Variants in CR1L observed in about 807,000 individuals in gnomAD.
The protein encoded by CR1L is complement component receptor 1-like protein.
Under a neutral mutation model 62.3 loss-of-function variants are expected in CR1L, and 59 were observed. That is an observed-to-expected ratio of 0.95 (90% CI 0.77 to 1.18). CR1L has a LOEUF of 1.18. CR1L is among the 50% of genes most tolerant of loss of function. CR1L has a pLI of 0.00. For synonymous variants in CR1L, 279 were observed against 248.7 expected (o/e 1.12, Z -1.15); for missense variants, 700 against 702.8 (o/e 1.00, Z 0.04).
At chr1:207,674,227 C>G (rs1374560456) in intron 1 of CR1L, among the ~76,000 whole-genome samples, 1 of 152,162 alleles carries the variant, frequency 6.6e-6, no homozygotes, top group Non-Finnish European at 1.5e-5. Flanking sequence ...CATGAGGGAA[C>G]TGTGTGGGGT....
intron 1 of CR1L, among the ~76,000 whole-genome samples, chr1:207,674,236 G>C (rs1178056318): frequency 1.3e-5 from 2 of 152,200 alleles, no homozygotes; most frequent in Non-Finnish European, 1.5e-5. Context: ...ACTGTGTGGG[G>C]TGAAGGGTAT....
At chr1:207,699,697 A>G (rs1478998073) in intron 8 of CR1L, among the ~76,000 whole-genome samples, 11 of 151,862 alleles carry the variant, frequency 7.2e-5, no homozygotes, top group Non-Finnish European at 1.6e-4. Flanking sequence ...CAATTTGTGT[A>G]TATATTTGAT....
chr1:207,662,920 C>G (rs1007936058), intron 1 of CR1L, among the ~76,000 whole-genome samples: 11 of 152,170 alleles, frequency 7.2e-5, no homozygotes, highest in African/African-American at 2.7e-4. Context: ...CACTCTAGAC[C>G]CTGTTTGCCT....
chr1:207,657,119 TA>T (rs1291120926), intron 1 of CR1L: 12 of 716,612 alleles, frequency 1.7e-5, no homozygotes, highest in Admixed American at 4.3e-5. Flanking sequence ...TCTTCAATTT[TA>T]AGAGATTTTG....
chr1:207,647,237 G>T (rs746510621), intron 1 of CR1L, among the ~76,000 whole-genome samples: 1 of 152,170 alleles, frequency 6.6e-6, no homozygotes, highest in South Asian at 2.1e-4. Context: ...ACAAATGACT[G>T]GGGGGAGGGA....
intron 1 of CR1L, chr1:207,653,193 C>G: frequency 6.3e-6 from 1 of 159,100 alleles, no homozygotes; most frequent in South Asian, 1.8e-4. Context: ...TAAGTAAGTT[C>G]CTCCTTAGAG....
At position 207,645,328 on chromosome 1, in the gene CR1L, C is replaced by T; in HGVS notation, c.95C>T (p.Ser32Phe). 1.9e-6 allele frequency: 3 copies of T among 1,613,986 alleles called. No individual in the cohort carries two copies. Among genetic ancestry groups the T allele is most frequent in the Non-Finnish European group, 2.5e-6 (3 of 1,179,888 alleles). Residue 32 changes from serine (S) to phenylalanine (F), a missense_variant and splice_region_variant, in exon 1 of 12, where the codon TCC becomes TTC. Physicochemically the swap from Ser to Phe is radical, Grantham distance 155 (BLOSUM62 -2). Coordinates refer to ENST00000508064, the MANE Select transcript of CR1L (RefSeq NM_175710.2). ...CTGGTGTTGCTGCTGTCCTCCTTCT[C>T]CGGTAGGACCCCGGGGTGGATTCGC... is the stretch of plus-strand genomic sequence containing the variant. Reference protein sequence around the residue: ...AALVLLLSSFSDQCNVPEWLP... With the variant: ...AALVLLLSSFFDQCNVPEWLP...
chr1:207,679,153 A>ATTTTTTTTTTTTT (rs34703217), intron 3 of CR1L, among the ~76,000 whole-genome samples: 305 of 90,274 alleles, frequency 3.4e-3, no homozygotes, highest in Non-Finnish European at 4.4e-3. Context: ...GCCCACCACC[A>ATTTTTTTTTTTTT]TTTTTTTTTT....
intron 1 of CR1L, among the ~76,000 whole-genome samples, chr1:207,654,767 T>C (rs1663279741): frequency 6.6e-6 from 1 of 152,190 alleles, no homozygotes; most frequent in Non-Finnish European, 1.5e-5. Flanking sequence ...AGAGGAACTT[T>C]AAGTGATTTA....
intron 3 of CR1L, among the ~76,000 whole-genome samples, chr1:207,680,158 C>A (rs1663773159): frequency 6.6e-6 from 1 of 152,162 alleles, no homozygotes; most frequent in African/African-American, 2.4e-5. Flanking sequence ...AAAATATTTA[C>A]CACCCTGGTG....
intron 1 of CR1L, among the ~76,000 whole-genome samples, chr1:207,648,580 A>G (rs900681297): frequency 9.5e-5 from 11 of 115,428 alleles, no homozygotes; most frequent in Non-Finnish European, 1.3e-4. Flanking sequence ...CAGATAGCAG[A>G]AGGAAACATG....
intron 10 of CR1L, 93 bp from the exon 11 acceptor site, chr1:207,717,371 A>C (rs1654023695): frequency 7.2e-7 from 1 of 1,394,836 alleles, no homozygotes; most frequent in Non-Finnish European, 9.7e-7. Flanking sequence ...AAAGAAAAAA[A>C]ATTATATTCA....
chr1:207,654,556 G>A (rs1663275874), intron 1 of CR1L, among the ~76,000 whole-genome samples: 1 of 152,144 alleles, frequency 6.6e-6, no homozygotes, highest in Admixed American at 6.5e-5. Flanking sequence ...AGATTTCACT[G>A]AGTATAGGTG....
intron 9 of CR1L, among the ~76,000 whole-genome samples, chr1:207,703,303 C>T (rs1558023398): frequency 6.6e-6 from 1 of 152,184 alleles, no homozygotes; most frequent in African/African-American, 2.4e-5. Flanking sequence ...TTTTTAGGAG[C>T]TAATCTCGTT....
Position 207,645,276 on chromosome 1 carries a change from C to G in CR1L, c.43C>G (p.Arg15Gly). 6.2e-7 allele frequency: 1 copy of G among 1,613,890 alleles called. No individual in the cohort carries two copies. Among genetic ancestry groups the G allele is most frequent in the Non-Finnish European group, 8.5e-7 (1 of 1,180,022 alleles). ...TCTCGAGCGTCCCTTTCCTTCCCGG[C>G]GCTTTCCTGGGTTGCTTCTGGCGGC... ...VRLERPFPSR[R>G]FPGLLLAALV... Residue 15 changes from arginine to glycine, a missense_variant, in exon 1 of 12, where the codon CGC becomes GGC. Physicochemically the swap from Arg to Gly is moderately radical, Grantham distance 125. Coordinates refer to ENST00000508064, the MANE Select transcript of CR1L (RefSeq NM_175710.2).
chr1:207,645,796 G>A (rs1335979365), intron 1 of CR1L, among the ~76,000 whole-genome samples: 1 of 152,126 alleles, frequency 6.6e-6, no homozygotes, highest in Admixed American at 6.5e-5. Flanking sequence ...CCGCGGTAAG[G>A]GTTGCAGTGC....
chr1:207,708,086 T>C (rs929597865), intron 9 of CR1L, 92 bp from the exon 10 acceptor site: 13 of 1,459,360 alleles, frequency 8.9e-6, no homozygotes, highest in East Asian at 2.3e-5. Context: ...ACTTCTCCTA[T>C]ATTGTAATCC....
At chr1:207,723,402 C>T (rs539781328) in intron 11 of CR1L, among the ~76,000 whole-genome samples, 6 of 142,698 alleles carry the variant, frequency 4.2e-5, no homozygotes, top group Admixed American at 1.4e-4. Flanking sequence ...TCCAGCCTGG[C>T]GACAGAGTGA....
intron 9 of CR1L, among the ~76,000 whole-genome samples, chr1:207,701,900 T>C (rs540601371): frequency 2.0e-5 from 3 of 152,248 alleles, no homozygotes; most frequent in Middle Eastern, 3.4e-3. Context: ...CAAACAACCC[T>C]AACCCAGAGT....
Sources: gnomAD v4.1 joint callset for allele counts (sites outside exome capture counted in the v4.1 genomes callset) on GRCh38, gnomAD v4.1.1 for gene constraint, MANE v1.5 for transcripts, NCBI Gene and HGNC (gene_info 2026-07-23, HGNC 2026-07-21) for gene names.